TMEM132B: variants seen among roughly 807,000 people sequenced by gnomAD.
The protein encoded by TMEM132B is transmembrane protein 132B.
In TMEM132B, 18 loss-of-function variants were observed where a neutral mutation model predicts 90.8. That is an observed-to-expected ratio of 0.20 (90% CI 0.14 to 0.29). The LOEUF is 0.29. Ranked by LOEUF, TMEM132B falls within the 10% of genes least tolerant of loss-of-function variation. The pLI, the probability that TMEM132B is intolerant of heterozygous loss-of-function variation, is 1.00. For synonymous variants in TMEM132B, 504 were observed against 523.3 expected (o/e 0.96, Z 0.50); for missense variants, 1,096 against 1,326.8 (o/e 0.83, Z 2.70).
chr12:125,584,052 CTT>C, intron 5 of TMEM132B, 58 bp downstream of exon 5: 1 of 1,611,102 alleles, frequency 6.2e-7, no homozygotes, highest in Non-Finnish European at 8.5e-7. Flanking sequence ...GTCGTTCCTT[CTT>C]TTGTCTCCAA....
intron 4 of TMEM132B, among the ~76,000 whole-genome samples, chr12:125,563,602 A>ACAAAC (rs1255408288): frequency 1.3e-5 from 1 of 78,386 alleles, no homozygotes. Context: ...AACAAACAAA[A>ACAAAC]AAAAACCCCA....
chr12:125,232,981 C>T (rs1236410218), intron 1 of TMEM132B, among the ~76,000 whole-genome samples: 2 of 152,192 alleles, frequency 1.3e-5, no homozygotes, highest in African/African-American at 4.8e-5. Context: ...AGATGGTCTT[C>T]AAGACCTTTC....
At chr12:125,187,316 C>T (rs1294510287) in intron 1 of TMEM132B, among the ~76,000 whole-genome samples, 5 of 152,224 alleles carry the variant, frequency 3.3e-5, no homozygotes, top group Non-Finnish European at 5.9e-5. Context: ...CACCTGCGGG[C>T]CCCGGAGATG....
chr12:125,485,213 A>G (rs1002297908), intron 3 of TMEM132B, among the ~76,000 whole-genome samples: 1 of 152,210 alleles, frequency 6.6e-6, no homozygotes, highest in Non-Finnish European at 1.5e-5. Flanking sequence ...TTGCTTGAGC[A>G]ACTGACTAAT....
At chr12:125,479,490 C>T (rs1444463596) in intron 3 of TMEM132B, among the ~76,000 whole-genome samples, 1 of 152,024 alleles carries the variant, frequency 6.6e-6, no homozygotes, top group Non-Finnish European at 1.5e-5. Context: ...GACTTTAAGC[C>T]AACAAAAATC....
chr12:125,552,109 A>G (rs905704125), intron 4 of TMEM132B, among the ~76,000 whole-genome samples: 1 of 152,212 alleles, frequency 6.6e-6, no homozygotes. Flanking sequence ...CTCATTTAAA[A>G]CACCATCTGA....
chr12:125,482,388 G>A (rs536722506), intron 3 of TMEM132B, among the ~76,000 whole-genome samples: 1 of 152,094 alleles, frequency 6.6e-6, no homozygotes, highest in East Asian at 1.9e-4. Flanking sequence ...AATCTACAAA[G>A]AACTTAAACT....
chr12:125,257,015 G>A (rs572537861), intron 1 of TMEM132B, among the ~76,000 whole-genome samples: 42 of 152,094 alleles, frequency 2.8e-4, no homozygotes, highest in Non-Finnish European at 4.4e-4. Flanking sequence ...GTTTTTGTAG[G>A]TAAAAAAGAT....
At chr12:125,190,270 C>T (rs1465640686) in intron 1 of TMEM132B, among the ~76,000 whole-genome samples, 2 of 152,228 alleles carry the variant, frequency 1.3e-5, no homozygotes, top group Admixed American at 6.5e-5. Flanking sequence ...GGAACTGTGA[C>T]TCCATACAAG....
At chr12:125,533,445 G>A (rs1313944813) in intron 4 of TMEM132B, among the ~76,000 whole-genome samples, 1 of 152,154 alleles carries the variant, frequency 6.6e-6, no homozygotes, top group Non-Finnish European at 1.5e-5. Flanking sequence ...CATCAGCCCC[G>A]CCTGAGACAA....
At chr12:125,453,619 A>G (rs1881214466) in intron 3 of TMEM132B, among the ~76,000 whole-genome samples, 2 of 152,224 alleles carry the variant, frequency 1.3e-5, no homozygotes, top group Non-Finnish European at 2.9e-5. Context: ...CTTCTTTAGC[A>G]TAGTTATTTC....
intron 5 of TMEM132B, among the ~76,000 whole-genome samples, chr12:125,613,911 C>T (rs185658758): frequency 1.5e-3 from 233 of 152,134 alleles, no homozygotes; most frequent in African/African-American, 5.5e-3. Flanking sequence ...CATTTGATGT[C>T]ATTTTCTTAG....
At chr12:125,530,493 A>G (rs1883616700) in intron 4 of TMEM132B, among the ~76,000 whole-genome samples, 1 of 152,200 alleles carries the variant, frequency 6.6e-6, no homozygotes, top group Non-Finnish European at 1.5e-5. Context: ...TTTGGGTGCT[A>G]TATTAGTTTT....
intron 2 of TMEM132B, among the ~76,000 whole-genome samples, chr12:125,354,365 C>G (rs1411487893): frequency 6.6e-6 from 1 of 152,074 alleles, no homozygotes; most frequent in Non-Finnish European, 1.5e-5. Flanking sequence ...TTTTATATAC[C>G]ATTTTCTTTG....
intron 1 of TMEM132B, among the ~76,000 whole-genome samples, chr12:125,259,807 C>T (rs775759887): frequency 3.3e-5 from 5 of 151,964 alleles, no homozygotes; most frequent in East Asian, 1.9e-4. Context: ...TATGAGAACG[C>T]GCATACTGGT....
intron 1 of TMEM132B, among the ~76,000 whole-genome samples, chr12:125,257,400 G>A (rs191218921): frequency 2.6e-5 from 4 of 152,304 alleles, no homozygotes; most frequent in East Asian, 1.9e-4. Flanking sequence ...GCTTTTCTGC[G>A]TGCTGTTGAA....
chr12:125,575,478 T>C (rs78891498), intron 4 of TMEM132B, among the ~76,000 whole-genome samples: 4,328 of 152,080 alleles, frequency 0.028, 76 homozygotes, highest in Non-Finnish European at 0.044. Flanking sequence ...TTATCAAATA[T>C]ATTATTTGCA....
intron 1 of TMEM132B, among the ~76,000 whole-genome samples, chr12:125,345,604 A>T (rs1340626028): frequency 6.6e-6 from 1 of 152,106 alleles, no homozygotes; most frequent in Non-Finnish European, 1.5e-5. Flanking sequence ...GCTTCCTTGG[A>T]GCCATCTGCC....
At chr12:125,405,485 A>AC (rs200889333) in intron 2 of TMEM132B, among the ~76,000 whole-genome samples, 2,579 of 152,244 alleles carry the variant, frequency 0.017, 43 homozygotes, top group Non-Finnish European at 0.027. Context: ...ACACTATTCA[A>AC]CCCCTTATAG....
Sources: allele counts gnomAD v4.1 joint callset (sites outside exome capture counted in the v4.1 genomes callset), GRCh38; gene constraint gnomAD v4.1.1; transcripts MANE v1.5; gene names NCBI Gene and HGNC (gene_info 2026-07-23, HGNC 2026-07-21).